The following CLYBL variants were observed in gnomAD, a reference collection of about 807,000 sequenced individuals.
CLYBL encodes the protein citramalyl-CoA lyase, mitochondrial.
In CLYBL, 31 loss-of-function variants were observed where a neutral mutation model predicts 38.9. That is an observed-to-expected ratio of 0.80 (90% CI 0.60 to 1.08). The LOEUF (loss-of-function observed/expected upper bound fraction) is 1.08, where lower values mean the gene tolerates loss of function less well. Among genes scored for constraint, CLYBL ranks in the 50% least tolerant of loss-of-function variants. CLYBL has a pLI of 0.00. For missense variants in CLYBL, 434 were observed against 411.6 expected (o/e 1.05, Z -0.47); for synonymous variants, 171 against 158.6 (o/e 1.08, Z -0.59).
intron 2 of CLYBL, among the ~76,000 whole-genome samples, chr13:99,778,680 C>G (rs1159484766): frequency 2.0e-5 from 3 of 152,176 alleles, no homozygotes; most frequent in Non-Finnish European, 4.4e-5. Context: ...TCCACTCCCT[C>G]TTATCTCCTC....
chr13:99,863,132 T>C, intron 4 of CLYBL, 40 bp downstream of exon 4: 2 of 1,071,148 alleles, frequency 1.9e-6, no homozygotes, highest in Non-Finnish European at 2.7e-6. Flanking sequence ...TAGCATTTTA[T>C]TTATCACCTA....
At chr13:99,783,034 T>C (rs867026851) in intron 2 of CLYBL, among the ~76,000 whole-genome samples, 4 of 152,268 alleles carry the variant, frequency 2.6e-5, no homozygotes, top group Middle Eastern at 3.4e-3. Context: ...GTTTTTTGTT[T>C]TTTGGTTTTT....
At chr13:99,901,657 TG>T (rs60837289), downstream of CLYBL, among the ~76,000 whole-genome samples, 19,090 of 129,622 alleles carry the variant, frequency 0.15, 1,106 homozygotes, top group South Asian at 0.24. Context: ...TTTTTTTTTT[TG>T]TTTGTTTGTT....
rs774233461 is a variant in CLYBL at position 99,863,010 on chromosome 13, T to A, written c.458T>A (p.Phe153Tyr). The change falls in exon 4 of 9, where the codon TTC (phenylalanine) becomes TAC (tyrosine). Residue 153 changes from phenylalanine to tyrosine, a missense_variant. Coordinates refer to ENST00000339105, the MANE Select transcript of CLYBL (RefSeq NM_206808.5). ...EIQWFADKFSFHLKGRKLEQP... is the reference protein window; with the variant it reads ...EIQWFADKFSYHLKGRKLEQP... Reference sequence around the variant, plus strand: ...TTTTAGTTTGCAGACAAATTTTCATTCCACTTAAAAGGCCGAAAACTTGAA... The same window carrying A: ...TTTTAGTTTGCAGACAAATTTTCATACCACTTAAAAGGCCGAAAACTTGAA... The A allele has an allele frequency of 1.2e-6, 2 of 1,609,584 alleles. No homozygotes were observed. Among genetic ancestry groups the A allele is most frequent in the Non-Finnish European group, 8.5e-7 (1 of 1,177,528 alleles).
downstream of CLYBL, among the ~76,000 whole-genome samples, chr13:99,900,206 CAT>C (rs10598307): frequency 0.52 from 78,867 of 151,706 alleles, 21,908 homozygotes; most frequent in Non-Finnish European, 0.63. Flanking sequence ...GGATTACACA[CAT>C]GAGCCACCTG....
At chr13:99,701,365 C>T (rs1048333535) in intron 1 of CLYBL, among the ~76,000 whole-genome samples, 2 of 152,138 alleles carry the variant, frequency 1.3e-5, no homozygotes, top group African/African-American at 4.8e-5. Flanking sequence ...GGCTGGAGTG[C>T]AGTGGCGGGA....
intron 6 of CLYBL, among the ~76,000 whole-genome samples, chr13:99,868,266 G>A (rs2051799633): frequency 6.6e-6 from 1 of 152,142 alleles, no homozygotes. Flanking sequence ...TAATCAATCT[G>A]ATAATAAGAT....
At chr13:99,754,475 G>A (rs1452567229) in intron 1 of CLYBL, among the ~76,000 whole-genome samples, 1 of 149,218 alleles carries the variant, frequency 6.7e-6, no homozygotes, top group Non-Finnish European at 1.5e-5. Context: ...TTCCTAGACT[G>A]GTCTTGAACT....
chr13:99,825,169 C>T (rs937219735), intron 2 of CLYBL, among the ~76,000 whole-genome samples: 2 of 152,160 alleles, frequency 1.3e-5, no homozygotes, highest in African/African-American at 4.8e-5. Flanking sequence ...GCTGAGCTGC[C>T]CACTTAACAA....
At chr13:99,641,736 C>T (rs573580677) in intron 1 of CLYBL, among the ~76,000 whole-genome samples, 185 of 152,084 alleles carry the variant, frequency 1.2e-3, no homozygotes, top group African/African-American at 4.0e-3. Context: ...GGCGTGAACC[C>T]GGGAGGTGGA....
intron 7 of CLYBL, among the ~76,000 whole-genome samples, chr13:99,885,505 G>C (rs1293153282): frequency 6.6e-6 from 1 of 152,100 alleles, no homozygotes; most frequent in East Asian, 1.9e-4. Context: ...ACCATGGCAG[G>C]GTTAAAGCAA....
At chr13:99,695,731 C>T (rs2047969734) in intron 1 of CLYBL, among the ~76,000 whole-genome samples, 1 of 152,106 alleles carries the variant, frequency 6.6e-6, no homozygotes, top group Non-Finnish European at 1.5e-5. Context: ...GTTGGCCAGG[C>T]TGGTCTCGAA....
chr13:99,870,808 A>G, intron 6 of CLYBL, 130 bp from the exon 7 acceptor site: 2 of 869,614 alleles, frequency 2.3e-6, no homozygotes, highest in Non-Finnish European at 3.4e-6. Context: ...TTGTTTACTC[A>G]ATAAAAAGTT....
intron 2 of CLYBL, among the ~76,000 whole-genome samples, chr13:99,791,886 G>A (rs1029318629): frequency 6.6e-6 from 1 of 152,078 alleles, no homozygotes; most frequent in Admixed American, 6.6e-5. Context: ...AATATATTGG[G>A]ACAGATAGGT....
At position 99,858,948 on chromosome 13, in the gene CLYBL, A is replaced by C. The variant is rs759546489; in HGVS notation, c.337A>C (p.Ser113Arg). Residue 113 changes from serine (S) to arginine (R), a missense_variant, in exon 3 of 9, where the codon AGT becomes CGT. Ser to Arg is a moderately radical substitution (Grantham distance 110). Transcript: ENST00000339105. ...ATGTGTGAGAGTCAACTCAGTTTCCAGTGGTCTGGCGGAAGAAGACCTAGA... is the reference window on the plus strand; with the variant it reads ...ATGTGTGAGAGTCAACTCAGTTTCCCGTGGTCTGGCGGAAGAAGACCTAGA... ...EKCVRVNSVS[S>R]GLAEEDLETL... 1 of 1,614,126 alleles carries C rather than the reference A, an allele frequency of 6.2e-7. No homozygotes were observed. The highest frequency in any genetic ancestry group is 1.1e-5 in the South Asian group (1 of 91,068).
At chr13:99,682,135 ATTTCT>A (rs1357342413) in intron 1 of CLYBL, among the ~76,000 whole-genome samples, 5 of 151,258 alleles carry the variant, frequency 3.3e-5, no homozygotes, top group African/African-American at 9.7e-5. Context: ...AGTGGTAAGG[ATTTCT>A]TTTCTTTTCT....
At chr13:99,806,271 C>G (rs1045564446) in intron 2 of CLYBL, among the ~76,000 whole-genome samples, 2 of 152,180 alleles carry the variant, frequency 1.3e-5, no homozygotes, top group African/African-American at 4.8e-5. Context: ...AACAGCAATA[C>G]TGGAGTATAC....
intron 1 of CLYBL, among the ~76,000 whole-genome samples, chr13:99,688,266 T>C (rs990625553): frequency 5.9e-5 from 9 of 152,106 alleles, no homozygotes; most frequent in Admixed American, 2.6e-4. Context: ...AGACTCGCTG[T>C]GTGTGTTTTA....
rs77921669 is a variant in CLYBL, at chr13:99,836,037, G to A, written c.250-22824G>A. ...GGTGGATTTCAGGGCTTGAGAGTTC[G>A]GGATGAGGCAATTTTGAGAAAAGTG... On this transcript the variant is annotated intron_variant, in intron 2 of 8. Coordinates refer to ENST00000339105, the MANE Select transcript of CLYBL (RefSeq NM_206808.5). 5.3e-3 allele frequency among the ~76,000 whole-genome samples: 812 copies of A among 152,284 alleles called. 35 individuals are homozygous for A. In the East Asian group the frequency reaches 0.12, roughly 22 times the overall value.
Sources: gnomAD v4.1 joint callset for allele counts (sites outside exome capture counted in the v4.1 genomes callset) on GRCh38, gnomAD v4.1.1 for gene constraint, MANE v1.5 for transcripts, NCBI Gene and HGNC (gene_info 2026-07-23, HGNC 2026-07-21) for gene names.